Variants in ZNF423 observed in about 807,000 individuals in gnomAD.
ZNF423 encodes the protein Ebf-associated zinc finger protein.
ZNF423 carries 12 observed loss-of-function variants against 95.8 expected under a neutral mutation model. That is an observed-to-expected ratio of 0.13 (90% confidence interval 0.08 to 0.20). ZNF423 has a LOEUF of 0.20. ZNF423 is among the 10% of genes least tolerant of loss of function. The pLI, the probability that ZNF423 is intolerant of heterozygous loss-of-function variation, is 1.00. For synonymous variants in ZNF423, 749 were observed against 711.9 expected (o/e 1.05, Z -0.83); for missense variants, 1,316 against 1,737.1 (o/e 0.76, Z 4.31).
At chr16:49,573,791 A>G (rs141099919) in intron 5 of ZNF423, among the ~76,000 whole-genome samples, 1 of 152,368 alleles carries the variant, frequency 6.6e-6, no homozygotes, top group African/African-American at 2.4e-5. Context: ...TGGAATCAAG[A>G]GACCCAGCTG....
chr16:49,626,115 A>G lies in ZNF423; in HGVS notation c.3601+55T>C, dbSNP rs16947716. On this transcript the variant is annotated intron_variant, in intron 5 of 7. Coordinates refer to ENST00000563137, the MANE Select transcript of ZNF423 (RefSeq NM_001379286.1). ...CAGTAAAATGATGATTGGAACCGCA[A>G]ATTTAAAACCCCAAAGAGTAGCTCC... The G allele has an allele frequency of 0.097, 153,103 of 1,581,594 alleles. 10,576 individuals carry two copies. Among genetic ancestry groups the G allele is most frequent in the South Asian group, 0.27 (24,455 of 90,104 alleles).
intron 3 of ZNF423, among the ~76,000 whole-genome samples, chr16:49,657,144 T>A (rs1006049431): frequency 3.3e-5 from 5 of 152,180 alleles, no homozygotes; most frequent in Non-Finnish European, 7.3e-5. Context: ...CCTGGACACC[T>A]CTCAGGGTGA....
chr16:49,525,693 G>A (rs756958596), intron 5 of ZNF423, among the ~76,000 whole-genome samples, 199 bp from the exon 6 acceptor site: 8 of 152,096 alleles, frequency 5.3e-5, no homozygotes, highest in Admixed American at 1.3e-4. Flanking sequence ...CCAGAGGACC[G>A]GCTCCAAATA....
At chr16:49,691,352 T>C (rs1439130754) in intron 3 of ZNF423, among the ~76,000 whole-genome samples, 1 of 152,212 alleles carries the variant, frequency 6.6e-6, no homozygotes, top group Non-Finnish European at 1.5e-5. Flanking sequence ...GGCATGGGTT[T>C]GCCTCCAAGC....
chr16:49,737,681 A>G (rs945153717), intron 2 of ZNF423, among the ~76,000 whole-genome samples: 2 of 152,188 alleles, frequency 1.3e-5, no homozygotes, highest in Non-Finnish European at 2.9e-5. Context: ...GCCCCAGGGG[A>G]CCAGACTGCC....
At chr16:49,543,329 C>T (rs1969318356) in intron 5 of ZNF423, among the ~76,000 whole-genome samples, 1 of 152,110 alleles carries the variant, frequency 6.6e-6, no homozygotes, top group Non-Finnish European at 1.5e-5. Context: ...AGTCCTCAGC[C>T]CCCCAATCCC....
chr16:49,497,750 CT>C (rs1315208082), intron 7 of ZNF423, among the ~76,000 whole-genome samples: 1 of 152,238 alleles, frequency 6.6e-6, no homozygotes, highest in African/African-American at 2.4e-5. Flanking sequence ...GAGAATGCAC[CT>C]TAACCACTGA....
chr16:49,669,038 A>T (rs904519999), intron 3 of ZNF423, among the ~76,000 whole-genome samples: 2 of 152,104 alleles, frequency 1.3e-5, no homozygotes, highest in African/African-American at 4.8e-5. Context: ...CATGGTCTTA[A>T]ATCCATCTCA....
intron 5 of ZNF423, among the ~76,000 whole-genome samples, chr16:49,623,164 A>C (rs1972143391): frequency 6.6e-6 from 1 of 151,646 alleles, no homozygotes; most frequent in South Asian, 2.1e-4. Flanking sequence ...CCAACCAACC[A>C]CTCCCTGCTG....
intron 5 of ZNF423, among the ~76,000 whole-genome samples, chr16:49,623,211 C>T (rs545410042): frequency 6.6e-6 from 1 of 152,330 alleles, no homozygotes; most frequent in Admixed American, 6.5e-5. Flanking sequence ...CGTTCCTGGG[C>T]TCCAGGTCAG....
chr16:49,530,343 C>G (rs1968794501), intron 5 of ZNF423, among the ~76,000 whole-genome samples: 1 of 152,128 alleles, frequency 6.6e-6, no homozygotes, highest in South Asian at 2.1e-4. Context: ...GCACACACCC[C>G]CGTCCTTTCC....
intron 5 of ZNF423, among the ~76,000 whole-genome samples, chr16:49,619,338 A>G (rs1448009554): frequency 2.6e-5 from 4 of 152,214 alleles, no homozygotes; most frequent in Admixed American, 2.0e-4. Context: ...AGAAACCTCA[A>G]TGACAGAGGC....
chr16:49,501,151 G>C (rs1967382492), intron 7 of ZNF423, among the ~76,000 whole-genome samples: 2 of 152,172 alleles, frequency 1.3e-5, no homozygotes, highest in South Asian at 4.2e-4. Flanking sequence ...CTGCATGTCT[G>C]GATGGAGGCC....
At position 49,636,665 on chromosome 16, in the gene ZNF423, C is replaced by T. The variant is rs1224430019; in HGVS notation, c.2511G>A (p.Lys837=). 1 of 1,613,998 alleles carries T rather than the reference C, an allele frequency of 6.2e-7. No individual in the cohort carries two copies. Among genetic ancestry groups the T allele is most frequent in the East Asian group, 2.2e-5 (1 of 44,882 alleles). Residue 837 remains lysine (K), a synonymous_variant, in exon 4 of 8, where the codon AAG becomes AAA. Coordinates refer to ENST00000563137, the MANE Select transcript of ZNF423 (RefSeq NM_001379286.1). This position sits in a 1 kb window ranked among gnomAD's most constrained non-coding sequence, Gnocchi z 8.6. ...CGGTCGCAGCATCAAACACACAGTGCTTCTCCCGCAGGTGCTTCTCCAGCA... is the reference window on the plus strand; with the variant it reads ...CGGTCGCAGCATCAAACACACAGTGTTTCTCCCGCAGGTGCTTCTCCAGCA... ...IILLEKHLRE[K]HCVFDAATEN... is the part of the protein sequence containing the mutation.
chr16:49,553,714 A>C (rs1969724210), intron 5 of ZNF423, among the ~76,000 whole-genome samples: 1 of 152,082 alleles, frequency 6.6e-6, no homozygotes, highest in Admixed American at 6.5e-5. Flanking sequence ...TGGCATGATC[A>C]ATTTTATATG....
chr16:49,536,531 C>G (rs1969062411), intron 5 of ZNF423, among the ~76,000 whole-genome samples: 1 of 145,622 alleles, frequency 6.9e-6, no homozygotes, highest in African/African-American at 2.5e-5. Flanking sequence ...CAGCTTCAAA[C>G]TTCTGGGCTC....
intron 5 of ZNF423, among the ~76,000 whole-genome samples, chr16:49,562,561 T>A (rs1970053287): frequency 6.6e-6 from 1 of 152,146 alleles, no homozygotes; most frequent in Admixed American, 6.6e-5. Context: ...GGAAACTAGA[T>A]CCACAAAAAG....
intron 2 of ZNF423, among the ~76,000 whole-genome samples, chr16:49,746,810 C>CA (rs1463917066): frequency 6.6e-6 from 1 of 152,158 alleles, no homozygotes; most frequent in African/African-American, 2.4e-5. Context: ...GGGCAAGAAG[C>CA]AAAAGAACTA....
Position 49,731,384 on chromosome 16 carries a change from T to C in ZNF423, c.101-413A>G, listed in dbSNP as rs951592968. 1.9e-5 allele frequency: 19 copies of C among 985,326 alleles called. 1 individual carries two copies. The African/African-American group carries it at 3.3e-4, about 17-fold the overall frequency. 61.0% of individuals were successfully genotyped at this position (985,326 alleles called of 1,614,324 possible). On this transcript the variant is annotated intron_variant, in intron 2 of 7. Coordinates refer to ENST00000563137, the MANE Select transcript of ZNF423 (RefSeq NM_001379286.1). ...TTGCAATTTAGAGCTGGGAGATCTCTTAGCCAAGTTCGCCTTCCACACAAC... is the reference window on the plus strand; with the variant it reads ...TTGCAATTTAGAGCTGGGAGATCTCCTAGCCAAGTTCGCCTTCCACACAAC...
Sources: allele counts gnomAD v4.1 joint callset (sites outside exome capture counted in the v4.1 genomes callset), GRCh38; gene constraint gnomAD v4.1.1; non-coding constraint Gnocchi (gnomAD v3.1); transcripts MANE v1.5; gene names NCBI Gene and HGNC (gene_info 2026-07-23, HGNC 2026-07-21).